ERBIN: variants seen among roughly 807,000 people sequenced by gnomAD.
The protein encoded by ERBIN is densin-180-like protein.
A neutral mutation model predicts 158.4 loss-of-function variants in ERBIN; 60 were observed. The observed-to-expected ratio is 0.38, with a 90% CI of 0.31 to 0.47. The LOEUF (loss-of-function observed/expected upper bound fraction) is 0.47, where lower values mean the gene tolerates loss of function less well. Ranked by LOEUF, ERBIN falls within the 20% of genes least tolerant of loss-of-function variation. ERBIN has a pLI of 0.99. For missense variants in ERBIN, 1,610 were observed against 1,648.0 expected, an observed-to-expected ratio of 0.98 and a Z score of 0.40; for synonymous variants, 594 against 557.2, an observed-to-expected ratio of 1.07 and a Z score of -0.93.
intron 7 of ERBIN, among the ~76,000 whole-genome samples, chr5:66,018,493 T>A (rs369852526): frequency 0.077 from 188 of 2,440 alleles, 53 homozygotes; most frequent in Middle Eastern, 0.17. Context: ...TATATTATAT[T>A]ATATAATATA....
Position 66,012,109 on chromosome 5 carries a change from G to A in ERBIN, c.368G>A (p.Ser123Asn). The change falls in exon 5 of 26, where the codon AGT becomes AAT. Residue 123 changes from serine (S) to asparagine (N), a missense_variant. By Grantham distance (46) the Ser-to-Asn change is conservative. Around this residue, in one of 2 missense-constraint regions of ERBIN, gnomAD observed 596 missense variants for 711.9 expected, o/e 0.84. Coordinates refer to ENST00000284037, the MANE Select transcript of ERBIN (RefSeq NM_001253697.2). Reference sequence around the variant, plus strand: ...AAAGTTTTGACAATTGTGGAGGCCAGTGTAAACCCTATTTCCAAGTAAGTT... The same window carrying A: ...AAAGTTTTGACAATTGTGGAGGCCAATGTAAACCCTATTTCCAAGTAAGTT... ...NCKVLTIVEA[S>N]VNPISKLPDG... 2 of 1,600,384 alleles carry A rather than the reference G, an allele frequency of 1.2e-6. No homozygotes were observed. Among genetic ancestry groups the A allele is most frequent in the Non-Finnish European group, 1.7e-6 (2 of 1,172,586 alleles).
intron 14 of ERBIN, among the ~76,000 whole-genome samples, chr5:66,030,438 T>C (rs7732132): frequency 0.038 from 5,854 of 152,214 alleles, 378 homozygotes; most frequent in African/African-American, 0.13. Context: ...ATTTGAAATT[T>C]TGCGACTAGA....
chr5:66,018,443 TATA>T (rs1233643688), intron 7 of ERBIN, among the ~76,000 whole-genome samples: 1 of 58,086 alleles, frequency 1.7e-5, no homozygotes, highest in South Asian at 5.6e-4. Flanking sequence ...ATATATATAA[TATA>T]ATATATATTA....
chr5:66,080,177 A>G lies in ERBIN; in HGVS notation c.*1647A>G, dbSNP rs1762322706. On this transcript the variant is annotated 3_prime_UTR_variant, in exon 26 of 26. Coordinates refer to ENST00000284037, the MANE Select transcript of ERBIN (RefSeq NM_001253697.2). ...TAAGACTAGCTTAAAACACCAACCA[A>G]CATTATTTTTGCAAAAGTGAGTTGG... 6.6e-6 allele frequency: 1 copy of G among 152,582 alleles called. No homozygotes were observed. The highest frequency in any genetic ancestry group is 2.1e-4 in the South Asian group (1 of 4,832). 9.5% of individuals were successfully genotyped at this position (152,582 alleles called of 1,614,324 possible).
rs560024975 is a variant in ERBIN at position 66,042,989 on chromosome 5, C to T, written c.1307-88C>T. 5.9e-6 allele frequency: 6 copies of T among 1,013,988 alleles called. No individual in the cohort carries two copies. The African/African-American group carries it at 6.5e-5, about 11-fold the overall frequency. 62.8% of individuals were successfully genotyped at this position (1,013,988 alleles called of 1,614,324 possible). ...ACTATTTTAGACTTATTGTAGTGAA[C>T]ATAACTCATACAGAAATTATGAGCA... On this transcript the variant is annotated intron_variant, in intron 15 of 25. Coordinates refer to ENST00000284037, the MANE Select transcript of ERBIN (RefSeq NM_001253697.2).
intron 13 of ERBIN, among the ~76,000 whole-genome samples, chr5:66,027,192 C>T (rs1005511535): frequency 6.6e-5 from 10 of 151,938 alleles, no homozygotes; most frequent in Non-Finnish European, 1.2e-4. Context: ...TTTTAAGACT[C>T]AGATTTAAGG....
chr5:66,066,578 T>A (rs1412893164), intron 21 of ERBIN, among the ~76,000 whole-genome samples: 1 of 151,414 alleles, frequency 6.6e-6, no homozygotes, highest in African/African-American at 2.4e-5. Context: ...AAAGTAGATG[T>A]CACCTTGAAA....
intron 4 of ERBIN, among the ~76,000 whole-genome samples, chr5:65,997,397 T>A (rs934822129): frequency 6.6e-6 from 1 of 152,190 alleles, no homozygotes; most frequent in African/African-American, 2.4e-5. Flanking sequence ...TATATCACTT[T>A]TATATATATG....
chr5:66,064,320 G>A (rs1216421323), intron 21 of ERBIN, among the ~76,000 whole-genome samples: 1 of 152,164 alleles, frequency 6.6e-6, no homozygotes, highest in Non-Finnish European at 1.5e-5. Context: ...TGATAATAAA[G>A]TATGAATATT....
chr5:66,044,024 A>T (rs993747416), intron 16 of ERBIN, 113 bp from the exon 17 acceptor site: 50 of 659,434 alleles, frequency 7.6e-5, no homozygotes, highest in Admixed American at 1.2e-4. Flanking sequence ...CTTCACAGTT[A>T]TCCCTATGAG....
chr5:66,023,745 G>A (rs917042049), intron 9 of ERBIN, among the ~76,000 whole-genome samples: 5 of 148,642 alleles, frequency 3.4e-5, no homozygotes, highest in African/African-American at 5.0e-5. Flanking sequence ...GTGCGATCTC[G>A]GCTCACTGCG....
intron 21 of ERBIN, among the ~76,000 whole-genome samples, chr5:66,067,747 G>A (rs1315939914): frequency 1.3e-5 from 2 of 152,112 alleles, no homozygotes; most frequent in African/African-American, 4.8e-5. Context: ...TAATTTTAGA[G>A]CAGCAGGAGC....
chr5:66,065,752 G>C (rs1484178389), intron 21 of ERBIN, among the ~76,000 whole-genome samples: 1 of 151,774 alleles, frequency 6.6e-6, no homozygotes, highest in Non-Finnish European at 1.5e-5. Context: ...AATTTTCCCA[G>C]GATGATATAT....
chr5:66,001,314 G>C (rs1752992548), intron 4 of ERBIN, among the ~76,000 whole-genome samples: 1 of 152,052 alleles, frequency 6.6e-6, no homozygotes, highest in Non-Finnish European at 1.5e-5. Flanking sequence ...ACAGTTTTCA[G>C]ATTCATTAGC....
At chr5:65,938,975 T>C (rs1380480030) in intron 1 of ERBIN, among the ~76,000 whole-genome samples, 3 of 152,192 alleles carry the variant, frequency 2.0e-5, no homozygotes, top group African/African-American at 4.8e-5. Flanking sequence ...TTTATTTATC[T>C]CTAAGAAATT....
chr5:65,941,916 A>G (rs1208264791), intron 1 of ERBIN, among the ~76,000 whole-genome samples: 2 of 151,926 alleles, frequency 1.3e-5, no homozygotes, highest in East Asian at 3.9e-4. Flanking sequence ...AATTTTTTGT[A>G]TTTTTAGTAG....
chr5:65,927,411 AGT>A (rs2150819667), intron 1 of ERBIN, among the ~76,000 whole-genome samples: 1 of 152,166 alleles, frequency 6.6e-6, no homozygotes, highest in African/African-American at 2.4e-5. Flanking sequence ...AGTTGTGTGT[AGT>A]GTGTGTTTTT....
intron 4 of ERBIN, among the ~76,000 whole-genome samples, chr5:65,998,033 G>A (rs1752619339): frequency 1.3e-5 from 2 of 151,890 alleles, no homozygotes; most frequent in African/African-American, 4.8e-5. Flanking sequence ...TTCAAGACCA[G>A]CCTGGCCAAC....
chr5:65,937,038 C>T (rs1200312835), intron 1 of ERBIN, among the ~76,000 whole-genome samples: 2 of 152,128 alleles, frequency 1.3e-5, no homozygotes, highest in Non-Finnish European at 2.9e-5. Context: ...AGTCAGATTG[C>T]CTGGATTTAA....
Sources: allele counts gnomAD v4.1 joint callset (sites outside exome capture counted in the v4.1 genomes callset), GRCh38; gene constraint gnomAD v4.1.1; regional missense constraint gnomAD v4.1.1; transcripts MANE v1.5; gene names NCBI Gene and HGNC (gene_info 2026-07-23, HGNC 2026-07-21).